DEPDC5: variants seen among roughly 807,000 people sequenced by gnomAD.
DEPDC5 encodes the protein GATOR1 complex protein DEPDC5.
In DEPDC5, 73 loss-of-function variants were observed where a neutral mutation model predicts 217.3. The observed-to-expected ratio is 0.34, with a 90% CI of 0.28 to 0.41. The LOEUF is 0.41. DEPDC5 is among the 10% of genes least tolerant of loss of function. The pLI is 1.00. For missense variants in DEPDC5, 1,675 were observed against 2,070.1 expected, an observed-to-expected ratio of 0.81 and a Z score of 3.70; for synonymous variants, 733 against 756.7, an observed-to-expected ratio of 0.97 and a Z score of 0.51.
intron 38 of DEPDC5, among the ~76,000 whole-genome samples, chr22:31,883,963 A>G (rs1032722820): frequency 6.6e-6 from 1 of 152,008 alleles, no homozygotes. Context: ...CCTGGCTTCA[A>G]CAGTTCTTTG....
chr22:31,793,181 C>G (rs2085875048), intron 12 of DEPDC5, among the ~76,000 whole-genome samples: 1 of 152,154 alleles, frequency 6.6e-6, no homozygotes. Flanking sequence ...GGTCTTTGCT[C>G]TGTTTCCTCT....
intron 4 of DEPDC5, 22 bp downstream of exon 4, chr22:31,760,724 T>C: frequency 6.3e-7 from 1 of 1,576,480 alleles, no homozygotes; most frequent in East Asian, 2.2e-5. Context: ...ATCACTCTTC[T>C]TAGAATTTTT....
intron 24 of DEPDC5, among the ~76,000 whole-genome samples, chr22:31,826,636 G>T (rs1436439513): frequency 6.6e-6 from 1 of 152,162 alleles, no homozygotes; most frequent in Non-Finnish European, 1.5e-5. Context: ...CCCGGGGTGT[G>T]TTAGGCATGT....
At chr22:31,821,963 A>G (rs1020989348) in intron 23 of DEPDC5, among the ~76,000 whole-genome samples, 4 of 152,228 alleles carry the variant, frequency 2.6e-5, no homozygotes, top group Admixed American at 1.3e-4. Context: ...TGGATTTGGA[A>G]TGCTGAGACA....
chr22:31,867,800 C>T (rs777890784), intron 33 of DEPDC5, among the ~76,000 whole-genome samples: 9 of 152,140 alleles, frequency 5.9e-5, no homozygotes, highest in Non-Finnish European at 1.2e-4. Flanking sequence ...ACCCCGGCTC[C>T]CACCAAAATA....
intron 40 of DEPDC5, among the ~76,000 whole-genome samples, chr22:31,899,581 G>T (rs1163823474): frequency 1.3e-5 from 2 of 152,030 alleles, no homozygotes; most frequent in Non-Finnish European, 2.9e-5. Flanking sequence ...TTGTAGAGAT[G>T]GGATTTCACC....
intron 32 of DEPDC5, chr22:31,858,397 T>C (rs1452019590): frequency 3.3e-5 from 5 of 152,200 alleles, no homozygotes; most frequent in African/African-American, 4.8e-5. Context: ...CTTGGCTCTG[T>C]CAGCTCCTTC....
intron 4 of DEPDC5, among the ~76,000 whole-genome samples, chr22:31,761,175 G>T (rs2082357733): frequency 6.6e-6 from 1 of 152,042 alleles, no homozygotes; most frequent in South Asian, 2.1e-4. Context: ...TAGACACGAG[G>T]TTTCACCGTG....
intron 27 of DEPDC5, among the ~76,000 whole-genome samples, chr22:31,840,546 A>C (rs1358750556): frequency 1.3e-5 from 2 of 152,182 alleles, no homozygotes; most frequent in Non-Finnish European, 2.9e-5. Context: ...TGTTCTCTGG[A>C]ATAGCTGGTG....
chr22:31,864,519 T>TATATAC (rs1569144566), intron 33 of DEPDC5, among the ~76,000 whole-genome samples: 2 of 133,498 alleles, frequency 1.5e-5, no homozygotes, highest in African/African-American at 5.9e-5. Flanking sequence ...TATATATATA[T>TATATAC]ATATATTTAT....
intron 26 of DEPDC5, among the ~76,000 whole-genome samples, chr22:31,838,077 T>G (rs921927795): frequency 1.3e-5 from 2 of 152,186 alleles, no homozygotes; most frequent in African/African-American, 2.4e-5. Flanking sequence ...CCTCGTTGAT[T>G]GATTTATTTT....
At chr22:31,812,420 C>CT (rs57618137) in intron 20 of DEPDC5, among the ~76,000 whole-genome samples, 1,170 of 98,272 alleles carry the variant, frequency 0.012, 9 homozygotes, top group Admixed American at 0.016. Flanking sequence ...TTCCATATTT[C>CT]TTTTTTTTTT....
At position 31,874,279 on chromosome 22, in the gene DEPDC5, A is replaced by T. The variant is rs757958392; in HGVS notation, c.3570A>T (p.Gly1190=). The change falls in exon 36 of 43, where the codon GGA becomes GGT. Residue 1190 remains glycine, a synonymous_variant. Coordinates refer to ENST00000651528, the MANE Select transcript of DEPDC5 (RefSeq NM_001242896.3). ...TCACCGTGTTGGAACCCAGGACAGG[A>T]GTCCAGCTGCTCTCTGAACAGAAGG... ...ILEAMKHPST[G]VQLLSEQKGL... is the part of the protein sequence containing the mutation. 1 of 1,607,024 alleles carries T rather than the reference A, an allele frequency of 6.2e-7. No homozygotes were observed.
chr22:31,891,577 C>T (rs560889982), intron 38 of DEPDC5: 130 of 165,600 alleles, frequency 7.9e-4, no homozygotes, highest in African/African-American at 2.9e-3. Flanking sequence ...AAATTGCTGA[C>T]GCAAGAGCTG....
intron 14 of DEPDC5, among the ~76,000 whole-genome samples, chr22:31,800,933 G>A (rs1023753893): frequency 6.6e-6 from 1 of 151,646 alleles, no homozygotes; most frequent in Non-Finnish European, 1.5e-5. Flanking sequence ...CAGAGATCAC[G>A]CCGCTGCACT....
chr22:31,754,307 C>T (rs2075131934), intron 1 of DEPDC5, 143 bp downstream of exon 1: 1 of 155,414 alleles, frequency 6.4e-6, no homozygotes, highest in South Asian at 1.9e-4. Context: ...CCTCAACGGC[C>T]TCAGCTGTGA....
intron 10 of DEPDC5, among the ~76,000 whole-genome samples, chr22:31,791,094 C>T (rs959866696): frequency 1.6e-4 from 24 of 152,148 alleles, no homozygotes; most frequent in African/African-American, 5.3e-4. Flanking sequence ...GGCCTGGTGA[C>T]GCGTGTCTGT....
Position 31,843,130 on chromosome 22 carries a change from C to G in DEPDC5, c.2551C>G (p.Gln851Glu). 1 of 1,613,930 alleles carries G rather than the reference C, an allele frequency of 6.2e-7. No homozygotes were observed. The highest frequency in any genetic ancestry group is 8.5e-7 in the Non-Finnish European group (1 of 1,179,982). The change falls in exon 28 of 43, where the codon CAG (glutamine) becomes GAG (glutamate). Residue 851 changes from glutamine (Q) to glutamate (E), a missense_variant. Transcript: ENST00000651528. ...CCGAAACCGCCCTGAGGAGGAGGACCAGTATTGGCTGAGTATGGGCAGAAC... is the reference window on the plus strand; with the variant it reads ...CCGAAACCGCCCTGAGGAGGAGGACGAGTATTGGCTGAGTATGGGCAGAAC... ...VSRNRPEEED[Q>E]YWLSMGRTFH...
intron 33 of DEPDC5, among the ~76,000 whole-genome samples, chr22:31,869,352 C>T (rs1388586316): frequency 1.3e-5 from 2 of 151,808 alleles, no homozygotes; most frequent in African/African-American, 2.4e-5. Flanking sequence ...AGGCCTCGGG[C>T]GGACTGAATC....
Sources: allele counts gnomAD v4.1 joint callset (sites outside exome capture counted in the v4.1 genomes callset), GRCh38; gene constraint gnomAD v4.1.1; transcripts MANE v1.5; gene names NCBI Gene and HGNC (gene_info 2026-07-23, HGNC 2026-07-21).